PWWP3A: variants seen among roughly 807,000 people sequenced by gnomAD.
PWWP3A encodes PWWP domain-containing DNA repair factor 3A.
PWWP3A carries 53 observed loss-of-function variants against 79.0 expected under a neutral mutation model. The observed-to-expected ratio is 0.67, with a 90% CI of 0.54 to 0.84. The LOEUF is 0.84. Among genes scored for constraint, PWWP3A ranks in the 40% least tolerant of loss-of-function variants. The pLI, the probability that PWWP3A is intolerant of heterozygous loss-of-function variation, is 0.00. For synonymous variants in PWWP3A, 443 were observed against 394.4 expected, an observed-to-expected ratio of 1.12 and a Z score of -1.46; for missense variants, 973 against 948.0, an observed-to-expected ratio of 1.03 and a Z score of -0.35.
Position 1,360,495 on chromosome 19 carries a change from C to T in PWWP3A, c.574C>T (p.Leu192Phe), listed in dbSNP as rs754373493. Residue 192 changes from leucine (L) to phenylalanine (F), a missense_variant, in exon 5 of 14, where the codon CTC (leucine) becomes TTC (phenylalanine). By Grantham distance (22) the Leu-to-Phe change is conservative. Transcript: ENST00000591337. The surrounding 1 kb of genome is among the most constrained non-coding windows in gnomAD (Gnocchi z 4.4). The stretch of plus-strand genomic sequence containing the variant: ...TGAAAACCCAAGAGGCCCGTTGGTC[C>T]TCCCAGCTGGAGGTGGTGCCCAAGA... The part of the protein sequence containing the change: ...KSENPRGPLV[L>F]PAGGGAQDES... 4 of 1,614,208 alleles carry T rather than the reference C, an allele frequency of 2.5e-6. No homozygotes were observed. Among genetic ancestry groups the T allele is most frequent in the Non-Finnish European group, 3.4e-6 (4 of 1,180,034 alleles).
At position 1,375,090 on chromosome 19, in the gene PWWP3A, G is replaced by A. The variant is rs995231641; in HGVS notation, c.2076-1429G>A. The stretch of plus-strand genomic sequence containing the variant: ...AAAAAAAAACCAAGCATGGTGGCAC[G>A]CGCCTATAGTCAGTCCCAGCTACTC... On this transcript the variant is annotated intron_variant, in intron 13 of 13. Transcript: ENST00000591337. Among the ~76,000 whole-genome samples the A allele has an allele frequency of 5.3e-5, 8 of 150,656 alleles. 1 individual carries two copies. Among genetic ancestry groups the A allele is most frequent in the African/African-American group, 1.5e-4 (6 of 40,982 alleles).
In PWWP3A at chr19:1,360,746, G is replaced by C. The variant is rs2081993802; in HGVS notation, c.825G>C (p.Leu275=). Reference sequence around the variant, plus strand: ...ACGCTGAGGGACACGACCCCGGTCTGCCGTTGGGCAGCCTCACTGCGCCCC... The same window carrying C: ...ACGCTGAGGGACACGACCCCGGTCTCCCGTTGGGCAGCCTCACTGCGCCCC... ...CANAEGHDPG[L]PLGSLTAPPA... is the part of the protein sequence containing the mutation. The change falls in exon 5 of 14, where the codon CTG becomes CTC. Residue 275 remains leucine, a synonymous_variant. Coordinates refer to ENST00000591337, the MANE Select transcript of PWWP3A (RefSeq NM_001369789.1). The surrounding 1 kb of genome is among the most constrained non-coding windows in gnomAD (Gnocchi z 4.4). The C allele has an allele frequency of 1.2e-6, 2 of 1,612,420 alleles. No individual in the cohort carries two copies. Among genetic ancestry groups the C allele is most frequent in the South Asian group, 2.2e-5 (2 of 91,012 alleles).
At position 1,370,491 on chromosome 19, in the gene PWWP3A, G is replaced by A. The variant is rs1190530728; in HGVS notation, c.1550-151G>A. On this transcript the variant is annotated intron_variant, in intron 11 of 13. Transcript: ENST00000591337. ...CAGCAGAGGAAGTGTCTTTAGGAGC[G>A]TGAATGCTCCACTCCCGTGCTAACA... 9.6e-5 allele frequency: 63 copies of A among 653,632 alleles called. 1 individual carries two copies. Among genetic ancestry groups the A allele is most frequent in the African/African-American group, 3.7e-5 (2 of 53,870 alleles). The allele number at this position is 653,632 out of a possible 1,614,324, so 40.5% of individuals were successfully genotyped here. A position where few individuals can be genotyped will look rare whatever the true frequency, so the allele number is the denominator to read the frequency against.
At chr19:1,355,574 C>A (rs1012903385) in intron 1 of PWWP3A, among the ~76,000 whole-genome samples, 12 of 145,102 alleles carry the variant, frequency 8.3e-5, no homozygotes, top group Admixed American at 1.4e-4. Flanking sequence ...CTGAGCCCCC[C>A]CGCTTCTGCT....
intron 7 of PWWP3A, among the ~76,000 whole-genome samples, chr19:1,365,414 A>G (rs1417487494): frequency 1.5e-4 from 23 of 152,220 alleles, no homozygotes; most frequent in Admixed American, 1.3e-3. Flanking sequence ...CTCCTAAGAC[A>G]CAAACGCCAA....
Position 1,360,117 on chromosome 19 carries a change from G to T in PWWP3A, c.215-19G>T. The stretch of plus-strand genomic sequence containing the variant: ...GTGCAGTGAACGTAACCGGCATTGT[G>T]TATGTTCGGTCCTTGCAGCCTCACA... On this transcript the variant is annotated intron_variant, in intron 4 of 13. Transcript: ENST00000591337. This position sits in a 1 kb window ranked among gnomAD's most constrained non-coding sequence, Gnocchi z 4.4. 1 of 1,532,082 alleles carries T rather than the reference G, an allele frequency of 6.5e-7. No homozygotes were observed. The highest frequency in any genetic ancestry group is 8.8e-7 in the Non-Finnish European group (1 of 1,142,300). The allele number at this position is 1,532,082 out of a possible 1,614,324, so 94.9% of individuals were successfully genotyped here.
At chr19:1,375,892 C>T (rs956971542) in intron 13 of PWWP3A, among the ~76,000 whole-genome samples, 5 of 133,264 alleles carry the variant, frequency 3.8e-5, no homozygotes, top group Non-Finnish European at 8.1e-5. Flanking sequence ...TGCAACCCCC[C>T]CACCGTGCCT....
intron 12 of PWWP3A, 60 bp from the exon 13 acceptor site, chr19:1,373,012 A>G: frequency 1.3e-6 from 2 of 1,517,270 alleles, no homozygotes; most frequent in Non-Finnish European, 9.1e-7. Context: ...TCTTAACCGC[A>G]GGCCACTTGG....
intron 8 of PWWP3A, among the ~76,000 whole-genome samples, chr19:1,366,938 G>T (rs987572857): frequency 8.5e-5 from 13 of 152,340 alleles, no homozygotes; most frequent in South Asian, 6.2e-4. Flanking sequence ...CCCGAGGTCG[G>T]CCTGTCCTGG....
At chr19:1,365,125 G>C (rs1379245186) in intron 7 of PWWP3A, among the ~76,000 whole-genome samples, 2 of 152,126 alleles carry the variant, frequency 1.3e-5, no homozygotes, top group Admixed American at 1.3e-4. Flanking sequence ...GTCTCCGGGG[G>C]AAAGAAAAAG....
chr19:1,376,416 A>T (rs773201349), intron 13 of PWWP3A, 103 bp from the exon 14 acceptor site: 1 of 1,150,862 alleles, frequency 8.7e-7, no homozygotes, highest in Non-Finnish European at 1.3e-6. Context: ...GGCCTCCCAA[A>T]GTGCTGGGAT....
Position 1,376,895 on chromosome 19 carries a change from G to A in PWWP3A, c.*319G>A, listed in dbSNP as rs938381301. On this transcript the variant is annotated 3_prime_UTR_variant, in exon 14 of 14. Coordinates refer to ENST00000591337, the MANE Select transcript of PWWP3A (RefSeq NM_001369789.1). The stretch of plus-strand genomic sequence containing the variant: ...TCCTGGCTGTGCTGTGGTTTCTCCC[G>A]ACGTGCACATCGATCTCGTATGTGT... 8.0e-6 allele frequency: 2 copies of A among 249,228 alleles called. No homozygotes were observed. The highest frequency in any genetic ancestry group is 1.5e-5 in the Non-Finnish European group (2 of 131,210). 15.4% of individuals were successfully genotyped at this position (249,228 alleles called of 1,614,324 possible). A position where few individuals can be genotyped will look rare whatever the true frequency, so the allele number is the denominator to read the frequency against.
chr19:1,370,803 G>A lies in PWWP3A; in HGVS notation c.1711G>A (p.Ala571Thr), dbSNP rs757230083. Residue 571 changes from alanine (A) to threonine (T), a missense_variant, in exon 12 of 14, where the codon GCC (alanine) becomes ACC (threonine). Ala to Thr is a moderately conservative substitution (Grantham distance 58). Transcript: ENST00000591337. ...CCGCTCGCGGGCCGCCCGGGACCGGGCCAACCAGAAGCTGGTGGAGTACAT... is the reference window on the plus strand; with the variant it reads ...CCGCTCGCGGGCCGCCCGGGACCGGACCAACCAGAAGCTGGTGGAGTACAT... ...PDRSRAARDR[A>T]NQKLVEYIVK... 1.3e-6 allele frequency: 2 copies of A among 1,563,368 alleles called. No homozygotes were observed. Among genetic ancestry groups the A allele is most frequent in the South Asian group, 1.2e-5 (1 of 85,324 alleles).
At chr19:1,362,195 T>C (rs1600104938) in intron 5 of PWWP3A, 55 bp from the exon 6 acceptor site, 3 of 1,453,420 alleles carry the variant, frequency 2.1e-6, no homozygotes, top group Non-Finnish European at 2.9e-6. Flanking sequence ...TTTCTTGGGA[T>C]GAGTCATCAA....
Position 1,362,481 on chromosome 19 carries a change from C to T in PWWP3A, c.1213+130C>T, listed in dbSNP as rs185199486. ...CGAGTTCATTTCTCTCCCACTGAAC[C>T]GAGACCTGGAAGGGACCTTCAGAAG... is the stretch of plus-strand genomic sequence containing the variant. On this transcript the variant is annotated intron_variant, in intron 6 of 13. Transcript: ENST00000591337. 2.7e-3 allele frequency: 1,792 copies of T among 670,230 alleles called. 11 individuals carry two copies. The highest frequency in any genetic ancestry group is 2.1e-3 in the Non-Finnish European group (811 of 393,528). 41.5% of individuals were successfully genotyped at this position (670,230 alleles called of 1,614,324 possible). A position where few individuals can be genotyped will look rare whatever the true frequency, so the allele number is the denominator to read the frequency against.
At position 1,369,581 on chromosome 19, in the gene PWWP3A, C is replaced by G. The variant is rs200303657; in HGVS notation, c.1499-15C>G. 2 of 1,614,146 alleles carry G rather than the reference C, an allele frequency of 1.2e-6. No individual in the cohort carries two copies. Among genetic ancestry groups the G allele is most frequent in the Admixed American group, 3.3e-5 (2 of 60,028 alleles). On this transcript the variant is annotated splice_polypyrimidine_tract_variant and intron_variant, in intron 10 of 13. Coordinates refer to ENST00000591337, the MANE Select transcript of PWWP3A (RefSeq NM_001369789.1). The surrounding 1 kb of genome is among the most constrained non-coding windows in gnomAD (Gnocchi z 4.0). ...TTAGGTCTACACAGTGCTCTCTCCCCTCCACCCCCTGCAGGCTGCGGGTCT... is the reference window on the plus strand; with the variant it reads ...TTAGGTCTACACAGTGCTCTCTCCCGTCCACCCCCTGCAGGCTGCGGGTCT...
rs1407578743 is a variant in PWWP3A, at chr19:1,360,953, G to A, written c.1032G>A (p.Arg344=). The stretch of plus-strand genomic sequence containing the variant: ...CTGTGACCCCGCGCAGCACCGCCAG[G>A]CTGGGCCCGCCTCCCTCCCACGCCT... ...RESVTPRSTA[R]LGPPPSHASA... is the part of the protein sequence containing the mutation. Residue 344 remains arginine (R), a synonymous_variant, in exon 5 of 14, where the codon AGG becomes AGA. Coordinates refer to ENST00000591337, the MANE Select transcript of PWWP3A (RefSeq NM_001369789.1). This position sits in a 1 kb window ranked among gnomAD's most constrained non-coding sequence, Gnocchi z 4.4. The A allele has an allele frequency of 6.7e-7, 1 of 1,483,810 alleles. No individual in the cohort carries two copies. The highest frequency in any genetic ancestry group is 8.9e-7 in the Non-Finnish European group (1 of 1,117,402). The allele number at this position is 1,483,810 out of a possible 1,614,324, so 91.9% of individuals were successfully genotyped here.
Position 1,360,247 on chromosome 19 carries a change from C to T in PWWP3A, c.326C>T (p.Ser109Phe). The change falls in exon 5 of 14, where the codon TCT becomes TTT. Residue 109 changes from serine (S) to phenylalanine (F), a missense_variant. Coordinates refer to ENST00000591337, the MANE Select transcript of PWWP3A (RefSeq NM_001369789.1). The surrounding 1 kb of genome is among the most constrained non-coding windows in gnomAD (Gnocchi z 4.4). ...GGCTCGATTTGGAGTCAAGAAAGCT[C>T]TGCAGGGACAGGTAGAGCTGACCGG... The part of the protein sequence containing the change: ...SEGSIWSQES[S>F]AGTGRADRSL... The T allele has an allele frequency of 1.2e-6, 2 of 1,614,132 alleles. No homozygotes were observed. The highest frequency in any genetic ancestry group is 1.1e-5 in the South Asian group (1 of 91,058).
chr19:1,358,606 G>A, intron 4 of PWWP3A, 142 bp downstream of exon 4: 1 of 1,571,388 alleles, frequency 6.4e-7, no homozygotes, highest in Non-Finnish European at 8.6e-7. Context: ...AATCCCCTGA[G>A]CTGAAGGAGA....
Sources: allele counts gnomAD v4.1 joint callset (sites outside exome capture counted in the v4.1 genomes callset), GRCh38; gene constraint gnomAD v4.1.1; non-coding constraint Gnocchi (gnomAD v3.1); transcripts MANE v1.5; gene names NCBI Gene and HGNC (gene_info 2026-07-23, HGNC 2026-07-21).